The following KIAA1328 variants were observed in gnomAD, a reference collection of about 807,000 sequenced individuals.
The protein encoded by KIAA1328 is KIAA1328, also known as protein hinderin.
In KIAA1328, 52 loss-of-function variants were observed where a neutral mutation model predicts 68.1. That is an observed-to-expected ratio of 0.76 (90% confidence interval 0.61 to 0.96). KIAA1328 has a LOEUF of 0.96. Among genes scored for constraint, KIAA1328 ranks in the 40% least tolerant of loss-of-function variants. The pLI is 0.00. For synonymous variants in KIAA1328, 232 were observed against 239.4 expected (o/e 0.97, Z 0.28); for missense variants, 641 against 677.6 (o/e 0.95, Z 0.60).
intron 5 of KIAA1328, chr18:36,901,882 T>G (rs2049050807): frequency 6.6e-6 from 1 of 152,124 alleles, no homozygotes. Flanking sequence ...CAGTGACTTC[T>G]GTTTCTTGAG....
chr18:37,166,473 AT>A (rs1462529287), intron 8 of KIAA1328, among the ~76,000 whole-genome samples: 1 of 152,036 alleles, frequency 6.6e-6, no homozygotes, highest in Non-Finnish European at 1.5e-5. Flanking sequence ...TCATTAATGT[AT>A]TTTATGTGTA....
At chr18:37,082,301 A>G (rs2056975590) in intron 7 of KIAA1328, among the ~76,000 whole-genome samples, 2 of 150,882 alleles carry the variant, frequency 1.3e-5, no homozygotes, top group Admixed American at 6.7e-5. Context: ...CCTCCCAAGT[A>G]GCTGGGATTA....
At chr18:37,018,765 T>C in intron 6 of KIAA1328, among the ~76,000 whole-genome samples, 1 of 148,800 alleles carries the variant, frequency 6.7e-6, no homozygotes, top group Non-Finnish European at 1.5e-5. Context: ...AGTGAGTTTT[T>C]CAATTCCAGA....
intron 7 of KIAA1328, among the ~76,000 whole-genome samples, chr18:37,082,855 T>C (rs890048664): frequency 1.3e-5 from 2 of 152,138 alleles, no homozygotes; most frequent in Admixed American, 6.5e-5. Flanking sequence ...AGCAAAGTAG[T>C]GTATGTATAA....
intron 7 of KIAA1328, among the ~76,000 whole-genome samples, chr18:37,143,329 G>C (rs897433515): frequency 1.3e-5 from 2 of 152,012 alleles, no homozygotes; most frequent in Admixed American, 6.6e-5. Context: ...ATTTTTTGTG[G>C]AATTTAATGA....
chr18:37,172,581 A>G (rs1465163899), intron 8 of KIAA1328, among the ~76,000 whole-genome samples: 1 of 152,216 alleles, frequency 6.6e-6, no homozygotes, highest in African/African-American at 2.4e-5. Flanking sequence ...AGTGTTTTAA[A>G]GAGGATCAAT....
intron 9 of KIAA1328, among the ~76,000 whole-genome samples, chr18:37,221,369 A>G (rs1048955109): frequency 1.3e-5 from 2 of 152,350 alleles, no homozygotes; most frequent in East Asian, 1.9e-4. Flanking sequence ...CCTCTTACAC[A>G]TGAAAAGACT....
At chr18:36,834,583 A>G (rs1147758) in intron 2 of KIAA1328, among the ~76,000 whole-genome samples, 9,921 of 152,198 alleles carry the variant, frequency 0.065, 1,071 homozygotes, top group African/African-American at 0.22. Context: ...GAACTTGTAG[A>G]ACACTTCATG....
At position 36,829,166 on chromosome 18, in the gene KIAA1328, C is replaced by G; in HGVS notation, c.28C>G (p.Pro10Ala). ...GGCGGACGTGGCGGGCCCCTCCCGC[C>G]CCAGTGCCGCGGCGTTCTGGAGCCG... is the stretch of plus-strand genomic sequence containing the variant. MADVAGPSR[P>A]SAAAFWSRDF... The change falls in exon 1 of 10, where the codon CCC becomes GCC. Residue 10 changes from proline (P) to alanine (A), a missense_variant. By Grantham distance (27) the Pro-to-Ala change is conservative. Coordinates refer to ENST00000280020, the MANE Select transcript of KIAA1328 (RefSeq NM_020776.3). 1 of 1,533,858 alleles carries G rather than the reference C, an allele frequency of 6.5e-7. No homozygotes were observed. Among genetic ancestry groups the G allele is most frequent in the East Asian group, 2.5e-5 (1 of 39,552 alleles).
At chr18:36,976,631 TTTATAGA>T (rs1255822737) in intron 6 of KIAA1328, among the ~76,000 whole-genome samples, 12 of 151,874 alleles carry the variant, frequency 7.9e-5, no homozygotes, top group Admixed American at 7.9e-4. Context: ...TATTACGTTG[TTTATAGA>T]TTATATTATA....
At chr18:37,051,265 A>G (rs1239540278) in intron 6 of KIAA1328, among the ~76,000 whole-genome samples, 2 of 152,026 alleles carry the variant, frequency 1.3e-5, no homozygotes, top group Admixed American at 6.6e-5. Context: ...GGTCGGTGAA[A>G]CAGTTGACTC....
intron 9 of KIAA1328, among the ~76,000 whole-genome samples, chr18:37,219,257 G>A (rs978520275): frequency 2.0e-5 from 3 of 152,228 alleles, no homozygotes; most frequent in African/African-American, 7.2e-5. Context: ...CCCCTACTGG[G>A]AGGTGTCTCC....
At chr18:37,172,900 A>G in intron 8 of KIAA1328, 73 bp from the exon 9 acceptor site, 1 of 1,113,816 alleles carries the variant, frequency 9.0e-7, no homozygotes, top group South Asian at 1.4e-5. Context: ...AATGTCTTAT[A>G]AATTTACTAA....
intron 5 of KIAA1328, among the ~76,000 whole-genome samples, chr18:36,929,683 G>A (rs2050243689): frequency 6.6e-6 from 1 of 151,992 alleles, no homozygotes; most frequent in South Asian, 2.1e-4. Context: ...CTCATTTAGT[G>A]TCCTTATAAA....
At chr18:36,961,550 T>G (rs1452704157) in intron 6 of KIAA1328, among the ~76,000 whole-genome samples, 1 of 152,126 alleles carries the variant, frequency 6.6e-6, no homozygotes, top group Non-Finnish European at 1.5e-5. Context: ...GAAAAAATGT[T>G]AAGGGCAGCC....
intron 5 of KIAA1328, among the ~76,000 whole-genome samples, chr18:36,929,919 G>A (rs572989392): frequency 1.1e-4 from 16 of 152,198 alleles, no homozygotes; most frequent in African/African-American, 2.9e-4. Flanking sequence ...AAGACAGTTG[G>A]GTGGTAGTGT....
intron 7 of KIAA1328, among the ~76,000 whole-genome samples, chr18:37,119,342 T>C (rs560696041): frequency 6.6e-5 from 10 of 152,142 alleles, no homozygotes; most frequent in African/African-American, 1.2e-4. Context: ...TATATTGTCT[T>C]AGTCGGCTTG....
intron 6 of KIAA1328, among the ~76,000 whole-genome samples, chr18:37,062,015 A>G (rs750316119): frequency 4.6e-4 from 70 of 152,190 alleles, no homozygotes; most frequent in Non-Finnish European, 8.4e-4. Flanking sequence ...TACTAACTTT[A>G]TGTTAGATAT....
rs975842696 is a variant in KIAA1328 at position 37,105,440 on chromosome 18, A to C, written c.1232+37895A>C. ...CAGGACTTCGAAGTTATAGTAAGCTATGAATGCTGCACTCTACGCTAGCCT... is the reference window on the plus strand; with the variant it reads ...CAGGACTTCGAAGTTATAGTAAGCTCTGAATGCTGCACTCTACGCTAGCCT... On this transcript the variant is annotated intron_variant, in intron 7 of 9. Transcript: ENST00000280020. Among the ~76,000 whole-genome samples the C allele has an allele frequency of 2.7e-5, 4 of 145,792 alleles. No individual in the cohort carries two copies. In the South Asian group the frequency reaches 6.7e-4, roughly 24 times the overall value.
Sources: allele counts gnomAD v4.1 joint callset (sites outside exome capture counted in the v4.1 genomes callset), GRCh38; gene constraint gnomAD v4.1.1; transcripts MANE v1.5; gene names NCBI Gene and HGNC (gene_info 2026-07-23, HGNC 2026-07-21).